GK5: variants seen among roughly 807,000 people sequenced by gnomAD.
The protein encoded by GK5 is glycerol kinase 5.
A neutral mutation model predicts 77.3 loss-of-function variants in GK5; 39 were observed. The ratio of observed to expected loss-of-function variants is 0.50; its 90% CI spans 0.39 to 0.66. The LOEUF is 0.66. Ranked by LOEUF, GK5 falls within the 30% of genes least tolerant of loss-of-function variation. GK5 has a pLI of 0.00. For missense variants in GK5, 487 were observed against 633.8 expected, an observed-to-expected ratio of 0.77 and a Z score of 2.49; for synonymous variants, 211 against 208.0, an observed-to-expected ratio of 1.01 and a Z score of -0.13.
In GK5 at chr3:142,170,528, T is replaced by C. The variant is rs1686510994; in HGVS notation, c.1308-70A>G. Reference sequence around the variant, plus strand: ...ATCATTCTTTTTCAGTGGGCCACATTTTTTTCCTGAAATCCTTGATTTTAT... The same window carrying C: ...ATCATTCTTTTTCAGTGGGCCACATCTTTTTCCTGAAATCCTTGATTTTAT... On this transcript the variant is annotated intron_variant, in intron 14 of 15. Transcript: ENST00000392993. 4 of 1,310,858 alleles carry C rather than the reference T, an allele frequency of 3.1e-6. No individual in the cohort carries two copies. In the Admixed American group the frequency reaches 9.2e-5, roughly 30 times the overall value. The allele number at this position is 1,310,858 out of a possible 1,614,324, so 81.2% of individuals were successfully genotyped here. A position where few individuals can be genotyped will look rare whatever the true frequency, so the allele number is the denominator to read the frequency against.
intron 5 of GK5, among the ~76,000 whole-genome samples, chr3:142,196,771 G>A (rs919849171): frequency 2.0e-5 from 3 of 152,162 alleles, no homozygotes; most frequent in African/African-American, 7.2e-5. Context: ...TACACTTCAA[G>A]AGAGTGTATA....
At position 142,185,542 on chromosome 3, in the gene GK5, A is replaced by G. The variant is rs1287334574; in HGVS notation, c.816+387T>C. 3 of 1,025,616 alleles carry G rather than the reference A, an allele frequency of 2.9e-6. No homozygotes were observed. In the Admixed American group the frequency reaches 1.6e-4, roughly 54 times the overall value. 63.5% of individuals were successfully genotyped at this position (1,025,616 alleles called of 1,614,324 possible). A position where few individuals can be genotyped will look rare whatever the true frequency, so the allele number is the denominator to read the frequency against. On this transcript the variant is annotated intron_variant, in intron 9 of 15. Coordinates refer to ENST00000392993, the MANE Select transcript of GK5 (RefSeq NM_001039547.3). ...CTCTGCTAGTTTAAGTTGCCCTAAC[A>G]CTGTTTGTGGTTACACATTATCAAA...
chr3:142,210,340 T>C (rs1276668538), intron 3 of GK5, among the ~76,000 whole-genome samples: 1 of 152,230 alleles, frequency 6.6e-6, no homozygotes, highest in East Asian at 1.9e-4. Flanking sequence ...CAGGATCTAG[T>C]CTGTCTCTCC....
intron 15 of GK5, among the ~76,000 whole-genome samples, chr3:142,167,706 T>G (rs1022166840): frequency 6.6e-6 from 1 of 152,222 alleles, no homozygotes; most frequent in Non-Finnish European, 1.5e-5. Flanking sequence ...CACTGTGTTA[T>G]GTATAAAAAT....
At chr3:142,175,170 C>T (rs1298988999) in intron 12 of GK5, among the ~76,000 whole-genome samples, 2 of 152,184 alleles carry the variant, frequency 1.3e-5, no homozygotes, top group Non-Finnish European at 2.9e-5. Context: ...GTAACTCTAA[C>T]GTCCAGGTAA....
intron 1 of GK5, among the ~76,000 whole-genome samples, chr3:142,218,716 A>G (rs1223364116): frequency 6.6e-6 from 1 of 152,170 alleles, no homozygotes; most frequent in Non-Finnish European, 1.5e-5. Context: ...CACCAAAAGT[A>G]TAATTCATAT....
chr3:142,178,410 T>A lies in GK5; in HGVS notation c.1049-834A>T, dbSNP rs79999833. On this transcript the variant is annotated intron_variant, in intron 11 of 15. Transcript: ENST00000392993. ...AAACAAAAAAACCAAGACAATTAAT[T>A]TAGTAAACTTTAACTGAAGTATATG... Among the ~76,000 whole-genome samples, 1,512 of 152,244 alleles carry A rather than the reference T, an allele frequency of 9.9e-3. 26 individuals carry two copies. The highest frequency in any genetic ancestry group is 0.034 in the African/African-American group (1,406 of 41,532).
chr3:142,210,208 G>T (rs1003859394), intron 3 of GK5, among the ~76,000 whole-genome samples: 1 of 152,170 alleles, frequency 6.6e-6, no homozygotes, highest in East Asian at 1.9e-4. Context: ...CAGCAACTGT[G>T]AGGAAAATAA....
chr3:142,222,649 T>C (rs2064368721), intron 1 of GK5, among the ~76,000 whole-genome samples: 1 of 152,200 alleles, frequency 6.6e-6, no homozygotes, highest in Non-Finnish European at 1.5e-5. Context: ...AACTCGTGCC[T>C]GTAATCCCAG....
intron 4 of GK5, among the ~76,000 whole-genome samples, chr3:142,201,670 A>G (rs1577137281): frequency 6.6e-6 from 1 of 152,182 alleles, no homozygotes; most frequent in East Asian, 1.9e-4. Flanking sequence ...AGACAAATAT[A>G]AAGTAAAACT....
chr3:142,185,710 A>T (rs2063761008), intron 9 of GK5: 1 of 1,476,824 alleles, frequency 6.8e-7, no homozygotes, highest in Non-Finnish European at 9.0e-7. Flanking sequence ...AAGGTTATAA[A>T]GTACTTCCAT....
At chr3:142,201,803 A>G (rs954968577) in intron 4 of GK5, among the ~76,000 whole-genome samples, 1 of 152,210 alleles carries the variant, frequency 6.6e-6, no homozygotes, top group African/African-American at 2.4e-5. Flanking sequence ...GGATCTCTGT[A>G]CTGTTTCTTA....
At chr3:142,223,674 AC>A (rs2064387178) in intron 1 of GK5, among the ~76,000 whole-genome samples, 2 of 152,198 alleles carry the variant, frequency 1.3e-5, no homozygotes, top group African/African-American at 4.8e-5. Context: ...CCCTGTCTCT[AC>A]AAAAATACAA....
chr3:142,214,058 G>C (rs564793077), intron 2 of GK5, among the ~76,000 whole-genome samples: 1 of 152,074 alleles, frequency 6.6e-6, no homozygotes, highest in Non-Finnish European at 1.5e-5. Flanking sequence ...TCCTGACCTC[G>C]GGTGATCCGC....
At chr3:142,196,609 A>G (rs1020451531) in intron 5 of GK5, among the ~76,000 whole-genome samples, 1 of 151,846 alleles carries the variant, frequency 6.6e-6, no homozygotes, top group African/African-American at 2.4e-5. Flanking sequence ...TTTAATCTTC[A>G]TATATTTTTG....
intron 5 of GK5, among the ~76,000 whole-genome samples, chr3:142,194,498 A>ACTGGATGACAGAG (rs1359583424): frequency 1.3e-5 from 2 of 151,032 alleles, no homozygotes; most frequent in Non-Finnish European, 3.0e-5. Context: ...TGCACTCCCT[A>ACTGGATGACAGAG]CTGGATGACA....
At position 142,198,902 on chromosome 3, in the gene GK5, A is replaced by T. The variant is rs747368654; in HGVS notation, c.443T>A (p.Phe148Tyr). 2 of 1,613,148 alleles carry T rather than the reference A, an allele frequency of 1.2e-6. No individual in the cohort carries two copies. Among genetic ancestry groups the T allele is most frequent in the Non-Finnish European group, 1.7e-6 (2 of 1,179,310 alleles). Reference sequence around the variant, plus strand: ...AAAAAGTCGTTTACTTCTAGTGAAAAAGTGAAGCACTCGGCAAGAACTGTG... The same window carrying T: ...AAAAAGTCGTTTACTTCTAGTGAAATAGTGAAGCACTCGGCAAGAACTGTG... Reference protein sequence around the residue: ...IFHSSCRVLHFFTRSKRLFTA... With the variant: ...IFHSSCRVLHYFTRSKRLFTA... Residue 148 changes from phenylalanine to tyrosine, a missense_variant, in exon 5 of 16, where the codon TTT (phenylalanine) becomes TAT (tyrosine). Transcript: ENST00000392993.
At chr3:142,187,855 T>C (rs2063793715) in intron 5 of GK5, 76 bp from the exon 6 acceptor site, 1 of 1,020,262 alleles carries the variant, frequency 9.8e-7, no homozygotes, top group Non-Finnish European at 1.5e-6. Flanking sequence ...AGATCAGTGA[T>C]ACAATATAAA....
intron 1 of GK5, among the ~76,000 whole-genome samples, 161 bp downstream of exon 1, chr3:142,225,148 A>G (rs948627320): frequency 1.8e-4 from 27 of 152,212 alleles, no homozygotes; most frequent in African/African-American, 5.8e-4. Context: ...GCGAAGACTC[A>G]GCCGGTCTGG....
Sources: gnomAD v4.1 joint callset for allele counts (sites outside exome capture counted in the v4.1 genomes callset) on GRCh38, gnomAD v4.1.1 for gene constraint, MANE v1.5 for transcripts, NCBI Gene and HGNC (gene_info 2026-07-23, HGNC 2026-07-21) for gene names.